The following PAX4 variants were observed in gnomAD, a reference collection of about 807,000 sequenced individuals.
PAX4 encodes the protein paired box protein Pax-4.
In PAX4, 33 loss-of-function variants were observed where a neutral mutation model predicts 40.6. That is an observed-to-expected ratio of 0.81 (90% CI 0.62 to 1.09). The LOEUF (loss-of-function observed/expected upper bound fraction) is 1.09, where lower values mean the gene tolerates loss of function less well. Among genes scored for constraint, PAX4 ranks in the 50% least tolerant of loss-of-function variants. PAX4 has a pLI of 0.00. For missense variants in PAX4, 459 were observed against 442.5 expected (o/e 1.04, Z -0.33); for synonymous variants, 174 against 170.6 (o/e 1.02, Z -0.16).
Position 127,615,482 on chromosome 7 carries a change from G to A in PAX4, c.63C>T (p.Pro21=), listed in dbSNP as rs760419117. The A allele has an allele frequency of 8.7e-6, 14 of 1,614,068 alleles. No individual in the cohort carries two copies. The South Asian group carries it at 1.5e-4, about 18-fold the overall frequency. Residue 21 remains proline, a synonymous_variant, in exon 4 of 12, where the codon CCC becomes CCT. Coordinates refer to ENST00000639438, the MANE Select transcript of PAX4 (RefSeq NM_001366110.1). ...QLGGLFVNGR[P]LPLDTRQQIV... ...TCTGCTGCCGGGTATCCAGAGGCAG[G>A]GGCCGGCCATTCACAAAGAGCCCCC... is the stretch of plus-strand genomic sequence containing the variant.
Position 127,613,850 on chromosome 7 carries a change from A to G in PAX4, c.468T>C (p.His156=), listed in dbSNP as rs762091729. Residue 156 remains histidine, a synonymous_variant, in exon 7 of 12, where the codon CAT becomes CAC. Transcript: ENST00000639438. ...TACCCCGGGGAGTCTCAGAGCCACT[A>G]TGGGGAGTGAGGACAGCTGGAGCCA... ...AVLAPAVLTP[H]SGSETPRGTH... 15 of 1,613,768 alleles carry G rather than the reference A, an allele frequency of 9.3e-6. No homozygotes were observed. The highest frequency in any genetic ancestry group is 6.7e-5 in the East Asian group (3 of 44,860).
Position 127,614,713 on chromosome 7 carries a change from C to G in PAX4, c.361-156G>C, listed in dbSNP as rs1240462001. On this transcript the variant is annotated intron_variant, in intron 5 of 11. Transcript: ENST00000639438. ...CTCTCTCTCTATGCTTTCTCCTTCCCAATCCTCTTATTACCACCACTTTTC... is the reference window on the plus strand; with the variant it reads ...CTCTCTCTCTATGCTTTCTCCTTCCGAATCCTCTTATTACCACCACTTTTC... Among the ~76,000 whole-genome samples the G allele has an allele frequency of 3.9e-5, 6 of 152,254 alleles. No individual in the cohort carries two copies. The East Asian group carries it at 1.2e-3, about 29-fold the overall frequency.
chr7:127,614,379 T>G, intron 6 of PAX4, 103 bp downstream of exon 6: 3 of 885,954 alleles, frequency 3.4e-6, no homozygotes, highest in Non-Finnish European at 5.5e-6. Flanking sequence ...CCTTATTGGG[T>G]TGTTGTGAGG....
chr7:127,610,636 C>T lies in PAX4; in HGVS notation c.*428G>A. 3 of 570,212 alleles carry T rather than the reference C, an allele frequency of 5.3e-6. No individual in the cohort carries two copies. Among genetic ancestry groups the T allele is most frequent in the Non-Finnish European group, 9.4e-6 (3 of 318,498 alleles). The allele number at this position is 570,212 out of a possible 1,614,324, so 35.3% of individuals were successfully genotyped here. ...CATACATAGAGTAGGTAAATTGATG[C>T]ATTGACAAATACATTGTTTAGATAC... On this transcript the variant is annotated 3_prime_UTR_variant, in exon 12 of 12. Transcript: ENST00000639438.
chr7:127,614,831 C>T (rs761631577), intron 5 of PAX4, 49 bp downstream of exon 5: 2 of 1,590,444 alleles, frequency 1.3e-6, no homozygotes, highest in East Asian at 4.6e-5. Flanking sequence ...TTTGTCTCCC[C>T]CAGAAAGCCT....
chr7:127,616,127 T>C, intron 2 of PAX4, 100 bp from the exon 3 acceptor site: 1 of 600,330 alleles, frequency 1.7e-6, no homozygotes, highest in Non-Finnish European at 2.9e-6. Flanking sequence ...AATTTGCCAG[T>C]GGGTTGGCTA....
At chr7:127,613,672 C>T (rs1794674694) in intron 7 of PAX4, 84 bp downstream of exon 7, 9 of 1,606,602 alleles carry the variant, frequency 5.6e-6, no homozygotes, top group Non-Finnish European at 6.8e-6. Flanking sequence ...CTGCACCTCT[C>T]AGCCTTTGCC....
In PAX4 at chr7:127,615,406, G is replaced by C. The variant is rs759939065; in HGVS notation, c.139C>G (p.Leu47Val). ...TAAAGGTGCTGGCCCATTACCTTAA[G>C]GATCCGTGAGATGTCACAGGGCCGC... ...GMRPCDISRI[L>V]KVSNGCVSKI... Residue 47 changes from leucine (L) to valine (V), a missense_variant, in exon 4 of 12, where the codon CTT (leucine) becomes GTT (valine). Leu to Val is a conservative substitution (Grantham distance 32). Transcript: ENST00000639438. 8 of 1,614,072 alleles carry C rather than the reference G, an allele frequency of 5.0e-6. No individual in the cohort carries two copies. The Admixed American group carries it at 1.3e-4, about 27-fold the overall frequency.
chr7:127,616,034 T>A lies in PAX4; in HGVS notation c.-99-7A>T. On this transcript the variant is annotated splice_region_variant and splice_polypyrimidine_tract_variant and intron_variant, in intron 2 of 11. Transcript: ENST00000639438. ...TCCAGCTTGGGGGCTGGCTCTGCAA[T>A]AATGGGGGGTTATTTGGGTGAGGTC... The A allele has an allele frequency of 1.5e-6, 2 of 1,311,652 alleles. No individual in the cohort carries two copies. The highest frequency in any genetic ancestry group is 2.9e-5 in the African/African-American group (2 of 68,446). The allele number at this position is 1,311,652 out of a possible 1,614,324, so 81.3% of individuals were successfully genotyped here.
At position 127,611,483 on chromosome 7, in the gene PAX4, C is replaced by A; in HGVS notation, c.913+52G>T. ...ATCCATGCCCTCCTGGAGGTTGAGT[C>A]AGTCGACCCTCCCTACATCCTGCAG... On this transcript the variant is annotated intron_variant, in intron 11 of 11. Transcript: ENST00000639438. 3 of 1,611,980 alleles carry A rather than the reference C, an allele frequency of 1.9e-6. No homozygotes were observed. The South Asian group carries it at 3.3e-5, about 18-fold the overall frequency.
rs886061967 is a variant in PAX4, at chr7:127,610,998, G to C, written c.*66C>G. The C allele has an allele frequency of 3.9e-6, 6 of 1,555,554 alleles. No individual in the cohort carries two copies. The highest frequency in any genetic ancestry group is 5.2e-6 in the Non-Finnish European group (6 of 1,148,728). ...AAGGAGCCACAGTCTGTATGGGCAG[G>C]ACGGTAAGGACAATGGGCAGGATGG... On this transcript the variant is annotated 3_prime_UTR_variant, in exon 12 of 12. Coordinates refer to ENST00000639438, the MANE Select transcript of PAX4 (RefSeq NM_001366110.1).
At chr7:127,615,866 C>G (rs1794716822) in intron 3 of PAX4, 50 bp downstream of exon 3, 1 of 1,535,564 alleles carries the variant, frequency 6.5e-7, no homozygotes, top group South Asian at 1.2e-5. Context: ...TGAGGTCTTC[C>G]CCTGTCTCTG....
rs910896990 is a variant in PAX4 at position 127,617,368 on chromosome 7, G to A, written c.-193C>T. 6.6e-6 allele frequency: 1 copy of A among 152,196 alleles called. No homozygotes were observed. Among genetic ancestry groups the A allele is most frequent in the African/African-American group, 2.4e-5 (1 of 41,456 alleles). 9.4% of individuals were successfully genotyped at this position (152,196 alleles called of 1,614,324 possible). A position where few individuals can be genotyped will look rare whatever the true frequency, so the allele number is the denominator to read the frequency against. Reference sequence around the variant, plus strand: ...GCAGAGGTTTTCCAAAGAGAAAACTGAGGCACAGATTGGCATTGCCACAAG... The same window carrying A: ...GCAGAGGTTTTCCAAAGAGAAAACTAAGGCACAGATTGGCATTGCCACAAG... On this transcript the variant is annotated 5_prime_UTR_variant, in exon 2 of 12. Coordinates refer to ENST00000639438, the MANE Select transcript of PAX4 (RefSeq NM_001366110.1).
Position 127,611,678 on chromosome 7 carries a change from TA to T in PAX4, c.772-3del, listed in dbSNP as rs35434068. 0.036 allele frequency: 29,133 copies of T among 808,654 alleles called. 1 individual carries two copies. The highest frequency in any genetic ancestry group is 0.055 in the Admixed American group (1,793 of 32,322). The allele number at this position is 808,654 out of a possible 1,614,324, so 50.1% of individuals were successfully genotyped here. A position where few individuals can be genotyped will look rare whatever the true frequency, so the allele number is the denominator to read the frequency against. ...TGTGGGCACACTGCCAGGGGACTGC[TA>T]AAAAAAAAAAGCAAGAGAAGAACCT... On this transcript the variant is annotated splice_polypyrimidine_tract_variant and splice_region_variant and intron_variant, in intron 10 of 11. Transcript: ENST00000639438.
chr7:127,611,070 C>A lies in PAX4; in HGVS notation c.1050G>T (p.Leu350Phe). 1 of 1,605,030 alleles carries A rather than the reference C, an allele frequency of 6.2e-7. No individual in the cohort carries two copies. The highest frequency in any genetic ancestry group is 8.5e-7 in the Non-Finnish European group (1 of 1,175,048). ...LWPGCPLLYG[L>F]E is the part of the protein sequence containing the mutation. ...TCTCCTTCCCACTCCTGCCTCATTC[C>A]AAGCCATACAGTAGTGGGCAGCCAG... Residue 350 changes from leucine (L) to phenylalanine (F), a missense_variant, in exon 12 of 12, where the codon TTG becomes TTT. Transcript: ENST00000639438.
chr7:127,614,820 C>A (rs1468478370), intron 5 of PAX4, 60 bp downstream of exon 5: 41 of 1,572,262 alleles, frequency 2.6e-5, no homozygotes, highest in Non-Finnish European at 3.5e-5. Context: ...AAGAAAGGTT[C>A]TTTGTCTCCC....
At chr7:127,615,796 A>G (rs1562961175) in intron 3 of PAX4, 120 bp downstream of exon 3, 1 of 1,520,974 alleles carries the variant, frequency 6.6e-7, no homozygotes, top group Non-Finnish European at 8.8e-7. Flanking sequence ...GAGGGACTGG[A>G]AAAAGCTTCC....
intron 9 of PAX4, 135 bp downstream of exon 9, chr7:127,612,887 T>G: frequency 2.8e-6 from 2 of 706,684 alleles, no homozygotes; most frequent in African/African-American, 1.7e-5. Flanking sequence ...AATGGATGAA[T>G]GGATGGATGG....
intron 3 of PAX4, 104 bp downstream of exon 3, chr7:127,615,812 A>G: frequency 6.5e-6 from 10 of 1,530,830 alleles, no homozygotes; most frequent in Non-Finnish European, 8.7e-6. Flanking sequence ...CTTCCCCAGA[A>G]CATTGGCCAA....
Sources: gnomAD v4.1 joint callset for allele counts (sites outside exome capture counted in the v4.1 genomes callset) on GRCh38, gnomAD v4.1.1 for gene constraint, MANE v1.5 for transcripts, NCBI Gene and HGNC (gene_info 2026-07-23, HGNC 2026-07-21) for gene names.